ECPAS: variants seen among roughly 807,000 people sequenced by gnomAD.
The protein encoded by ECPAS is Ecm29 proteasome adaptor and scaffold, also known as proteasome adapter and scaffold protein ECM29.
In ECPAS, 70 loss-of-function variants were observed where a neutral mutation model predicts 255.1. That is an observed-to-expected ratio of 0.27 (90% CI 0.23 to 0.33). The LOEUF is 0.33. Ranked by LOEUF, ECPAS falls within the 10% of genes least tolerant of loss-of-function variation. ECPAS has a pLI of 1.00. For synonymous variants in ECPAS, 784 were observed against 775.0 expected (o/e 1.01, Z -0.19); for missense variants, 1,817 against 2,206.4 (o/e 0.82, Z 3.54).
At chr9:111,396,812 A>G (rs2098168303) in intron 25 of ECPAS, among the ~76,000 whole-genome samples, 1 of 152,134 alleles carries the variant, frequency 6.6e-6, no homozygotes, top group African/African-American at 2.4e-5. Context: ...TCGGCCTCCC[A>G]AAGTGCTGGG....
chr9:111,388,175 AAC>A (rs2098153292), intron 31 of ECPAS, among the ~76,000 whole-genome samples: 1 of 151,998 alleles, frequency 6.6e-6, no homozygotes, highest in Non-Finnish European at 1.5e-5. Flanking sequence ...CATGTAAGAA[AAC>A]CAAGACAAAG....
chr9:111,408,468 G>C, intron 24 of ECPAS, 103 bp downstream of exon 24: 1 of 649,734 alleles, frequency 1.5e-6, no homozygotes, highest in Non-Finnish European at 2.6e-6. Context: ...ACAAGTAAAT[G>C]CTTAATTAAA....
chr9:111,405,623 G>T (rs1264945696), intron 24 of ECPAS, among the ~76,000 whole-genome samples: 2 of 149,852 alleles, frequency 1.3e-5, no homozygotes, highest in African/African-American at 5.1e-5. Flanking sequence ...TGGCATAGAC[G>T]AAAATATCTG....
chr9:111,425,371 C>CT, intron 12 of ECPAS, 47 bp downstream of exon 12: 3 of 1,226,274 alleles, frequency 2.4e-6, no homozygotes, highest in Non-Finnish European at 3.4e-6. Context: ...ATAGAAAATA[C>CT]TTTAAGATAT....
intron 48 of ECPAS, 142 bp downstream of exon 48, chr9:111,366,097 T>C (rs890902419): frequency 5.1e-6 from 3 of 584,070 alleles, no homozygotes; most frequent in Non-Finnish European, 9.1e-6. Context: ...AGTTAAGGGG[T>C]ACACATGGAG....
intron 15 of ECPAS, among the ~76,000 whole-genome samples, chr9:111,421,409 A>ATGTGTGTGTATG (rs1554790373): frequency 7.0e-6 from 1 of 143,326 alleles, no homozygotes; most frequent in African/African-American, 2.6e-5. Context: ...TATTACATAT[A>ATGTGTGTGTATG]TGTGTGTGTG....
intron 17 of ECPAS, among the ~76,000 whole-genome samples, chr9:111,417,342 G>A (rs942280443): frequency 1.1e-4 from 17 of 152,258 alleles, no homozygotes; most frequent in Admixed American, 5.2e-4. Context: ...AAGCATGAAA[G>A]GAATTATAAG....
At chr9:111,470,679 T>C (rs2098286463) in intron 2 of ECPAS, among the ~76,000 whole-genome samples, 1 of 149,120 alleles carries the variant, frequency 6.7e-6, no homozygotes, top group Admixed American at 6.7e-5. Context: ...AGGCTACCCC[T>C]CCCTGATCAT....
chr9:111,374,099 C>CT (rs1397925191), intron 38 of ECPAS, 61 bp from the exon 39 acceptor site: 5 of 1,371,976 alleles, frequency 3.6e-6, no homozygotes, highest in Non-Finnish European at 5.2e-6. Context: ...CCTACCAAAC[C>CT]ATTGGCTTAG....
intron 3 of ECPAS, among the ~76,000 whole-genome samples, chr9:111,447,091 C>A (rs2098254110): frequency 6.6e-6 from 1 of 151,650 alleles, no homozygotes; most frequent in African/African-American, 2.4e-5. Flanking sequence ...ATCTTGCCCA[C>A]AATTGCATGC....
At position 111,418,076 on chromosome 9, in the gene ECPAS, G is replaced by C. The variant is rs1208346291; in HGVS notation, c.1560-70C>G. On this transcript the variant is annotated intron_variant, in intron 16 of 49. Coordinates refer to ENST00000684092, the MANE Select transcript of ECPAS (RefSeq NM_001364929.1). ...TGGGAAATGATCATTTGAAGAATAA[G>C]AACAGCAATTTTATTTGGCAGCTAG... 2.2e-6 allele frequency: 3 copies of C among 1,392,842 alleles called. No individual in the cohort carries two copies. In the African/African-American group the frequency reaches 4.4e-5, roughly 20 times the overall value. The allele number at this position is 1,392,842 out of a possible 1,614,324, so 86.3% of individuals were successfully genotyped here. A position where few individuals can be genotyped will look rare whatever the true frequency, so the allele number is the denominator to read the frequency against.
At chr9:111,406,767 G>A (rs2098184593) in intron 24 of ECPAS, among the ~76,000 whole-genome samples, 1 of 149,234 alleles carries the variant, frequency 6.7e-6, no homozygotes. Context: ...AGCCAGGCAT[G>A]GTGGCGCATG....
rs753164453 is a variant in ECPAS, at chr9:111,414,634, G to T, written c.1782C>A (p.Arg594=). The part of the protein sequence containing the change: ...AAFGEIVLYL[R]MCLAHSAGVV... The stretch of plus-strand genomic sequence containing the variant: ...CCCCCGCACTGTGCGCAAGGCACAT[G>T]CGCAAGTACAGAACGATCTACAAAC... The change falls in exon 19 of 50, where the codon CGC becomes CGA. Residue 594 remains arginine, a synonymous_variant. Transcript: ENST00000684092. The T allele has an allele frequency of 1.2e-6, 2 of 1,612,968 alleles. No homozygotes were observed. The highest frequency in any genetic ancestry group is 1.7e-6 in the Non-Finnish European group (2 of 1,179,552).
intron 5 of ECPAS, among the ~76,000 whole-genome samples, chr9:111,441,481 G>A (rs931992640): frequency 3.3e-5 from 5 of 151,814 alleles, no homozygotes; most frequent in East Asian, 1.9e-4. Flanking sequence ...CTCCAGCCTC[G>A]GCAACAGAGT....
chr9:111,432,221 G>C (rs1178126938), intron 8 of ECPAS, among the ~76,000 whole-genome samples: 2 of 152,088 alleles, frequency 1.3e-5, no homozygotes, highest in African/African-American at 4.8e-5. Context: ...CCAGAATATT[G>C]AGATAAAAGG....
intron 29 of ECPAS, 69 bp from the exon 30 acceptor site, chr9:111,390,170 T>C (rs1405611011): frequency 3.4e-6 from 3 of 885,130 alleles, no homozygotes; most frequent in African/African-American, 1.7e-5. Context: ...AATTACATCA[T>C]CAATATTACT....
chr9:111,483,871 C>T (rs1468413098), intron 1 of ECPAS: 2 of 473,272 alleles, frequency 4.2e-6, no homozygotes, highest in Non-Finnish European at 5.5e-6. Context: ...CGCGCTCGCC[C>T]AACTCACGCC....
intron 7 of ECPAS, among the ~76,000 whole-genome samples, chr9:111,434,492 T>C (rs1050550636): frequency 7.3e-5 from 11 of 151,386 alleles, no homozygotes; most frequent in Non-Finnish European, 1.6e-4. Flanking sequence ...ACATGACAAG[T>C]AGAAATGTAT....
chr9:111,372,139 CTT>C (rs2131509549), intron 42 of ECPAS, among the ~76,000 whole-genome samples: 1 of 152,296 alleles, frequency 6.6e-6, no homozygotes, highest in Admixed American at 6.5e-5. Flanking sequence ...AAATCACACT[CTT>C]AATTAAAAAT....
Sources: gnomAD v4.1 joint callset for allele counts (sites outside exome capture counted in the v4.1 genomes callset) on GRCh38, gnomAD v4.1.1 for gene constraint, MANE v1.5 for transcripts, NCBI Gene and HGNC (gene_info 2026-07-23, HGNC 2026-07-21) for gene names.